Variants in BTBD8 observed in about 807,000 individuals in gnomAD.
BTBD8 encodes BTB domain containing 8, also known as BTB/POZ domain-containing protein 8.
A neutral mutation model predicts 162.9 loss-of-function variants in BTBD8; 110 were observed. The ratio of observed to expected loss-of-function variants is 0.68; its 90% CI spans 0.58 to 0.79. The LOEUF (loss-of-function observed/expected upper bound fraction) is 0.79, where lower values mean the gene tolerates loss of function less well. Among genes scored for constraint, BTBD8 ranks in the 30% least tolerant of loss-of-function variants. The pLI is 0.00. For missense variants in BTBD8, 1,905 were observed against 2,085.4 expected, an observed-to-expected ratio of 0.91 and a Z score of 1.68; for synonymous variants, 667 against 716.1, an observed-to-expected ratio of 0.93 and a Z score of 1.10.
intron 5 of BTBD8, among the ~76,000 whole-genome samples, chr1:92,134,317 A>C (rs1379563953): frequency 1.3e-5 from 2 of 152,184 alleles, no homozygotes; most frequent in Non-Finnish European, 2.9e-5. Context: ...GTGTCTTCTC[A>C]TTATAATTAT....
intron 2 of BTBD8, among the ~76,000 whole-genome samples, chr1:92,093,386 T>G (rs1648368170): frequency 1.3e-5 from 2 of 152,058 alleles, no homozygotes; most frequent in Non-Finnish European, 2.9e-5. Context: ...GAGACAGGGT[T>G]TCTCCATGTT....
intron 4 of BTBD8, among the ~76,000 whole-genome samples, chr1:92,122,814 C>T (rs1378158607): frequency 6.6e-6 from 1 of 152,224 alleles, no homozygotes; most frequent in Non-Finnish European, 1.5e-5. Flanking sequence ...ATCTTCCTGC[C>T]TTGGCCTCCC....
chr1:92,090,621 C>A (rs769981934), intron 2 of BTBD8, among the ~76,000 whole-genome samples: 13 of 152,162 alleles, frequency 8.5e-5, no homozygotes, highest in Non-Finnish European at 1.5e-4. Context: ...ATTTATGACA[C>A]AAAAGTTTTA....
At chr1:92,149,200 T>G (rs1649991032) in intron 9 of BTBD8, among the ~76,000 whole-genome samples, 1 of 152,202 alleles carries the variant, frequency 6.6e-6, no homozygotes. Context: ...TATATATTAA[T>G]CAAATATTTT....
rs1269161521 is a variant in BTBD8 at position 92,129,537 on chromosome 1, G to A, written c.663-150G>A. 7.6e-6 allele frequency: 5 copies of A among 656,934 alleles called. No homozygotes were observed. In the East Asian group the frequency reaches 1.4e-4, roughly 18 times the overall value. 40.7% of individuals were successfully genotyped at this position (656,934 alleles called of 1,614,324 possible). Reference sequence around the variant, plus strand: ...CTTAGGTATAAATATAAGCTTATAAGTTTTATTATGTAGTAATCCTGCCTA... The same window carrying A: ...CTTAGGTATAAATATAAGCTTATAAATTTTATTATGTAGTAATCCTGCCTA... On this transcript the variant is annotated intron_variant, in intron 4 of 17. Coordinates refer to ENST00000636805, the MANE Select transcript of BTBD8 (RefSeq NM_001376131.1).
chr1:92,144,488 AT>A (rs11346013), intron 7 of BTBD8, among the ~76,000 whole-genome samples: 91,929 of 144,940 alleles, frequency 0.63, 29,034 homozygotes, highest in East Asian at 0.94. Context: ...TAGGCTTTAC[AT>A]TTTTTTTTTT....
At chr1:92,117,780 G>A (rs930961304) in intron 4 of BTBD8, among the ~76,000 whole-genome samples, 3 of 151,964 alleles carry the variant, frequency 2.0e-5, no homozygotes, top group South Asian at 2.1e-4. Flanking sequence ...GGCTCTGCTC[G>A]TTTGTCCTTC....
At chr1:92,140,625 A>G (rs955285617) in intron 6 of BTBD8, among the ~76,000 whole-genome samples, 15 of 152,310 alleles carry the variant, frequency 9.8e-5, no homozygotes, top group Non-Finnish European at 1.9e-4. Context: ...AAGTATGTGT[A>G]GGTGTTCAGA....
intron 9 of BTBD8, among the ~76,000 whole-genome samples, chr1:92,156,348 C>T (rs1199513698): frequency 6.6e-6 from 1 of 152,112 alleles, no homozygotes; most frequent in Non-Finnish European, 1.5e-5. Context: ...ATTTTAACAT[C>T]TATGTTCATC....
chr1:92,181,747 T>C lies in BTBD8; in HGVS notation c.4064T>C (p.Ile1355Thr). ...KRPEIWSRSA[I>T]VHSRERENIP... ...CCAGAAATTTGGTCTCGATCTGCAA[T>C]AGTTCACTCTAGGGAAAGAGAAAAT... is the stretch of plus-strand genomic sequence containing the variant. The change falls in exon 17 of 18, where the codon ATA (isoleucine) becomes ACA (threonine). Residue 1355 changes from isoleucine to threonine, a missense_variant. By Grantham distance (89) the Ile-to-Thr change is moderately conservative. Around this residue, in one of 3 missense-constraint regions of BTBD8, gnomAD observed 517 missense variants for 606.6 expected, o/e 0.85. Coordinates refer to ENST00000636805, the MANE Select transcript of BTBD8 (RefSeq NM_001376131.1). 3 of 1,551,462 alleles carry C rather than the reference T, an allele frequency of 1.9e-6. No homozygotes were observed. Among genetic ancestry groups the C allele is most frequent in the South Asian group, 1.2e-5 (1 of 84,058 alleles).
chr1:92,170,715 A>G (rs1284829682), intron 12 of BTBD8, among the ~76,000 whole-genome samples: 1 of 152,158 alleles, frequency 6.6e-6, no homozygotes, highest in African/African-American at 2.4e-5. Flanking sequence ...TTGCTAAACT[A>G]TATTTGTAGC....
At chr1:92,126,328 C>T in intron 4 of BTBD8, 1 of 595,678 alleles carries the variant, frequency 1.7e-6, no homozygotes, top group Non-Finnish European at 3.3e-6. Flanking sequence ...AATCACCCTC[C>T]TGCTGCCACA....
At chr1:92,113,442 G>A (rs1445466889) in intron 4 of BTBD8, among the ~76,000 whole-genome samples, 1 of 152,220 alleles carries the variant, frequency 6.6e-6, no homozygotes, top group Admixed American at 6.5e-5. Flanking sequence ...ACGCTGATTT[G>A]ACTCTGAGTG....
chr1:92,169,199 T>TTA (rs142362153), intron 12 of BTBD8, among the ~76,000 whole-genome samples: 18 of 151,808 alleles, frequency 1.2e-4, no homozygotes, highest in South Asian at 6.2e-4. Context: ...CTCATTTCCT[T>TTA]TATATATATA....
chr1:92,128,989 C>G (rs1056162029), intron 4 of BTBD8, among the ~76,000 whole-genome samples: 1 of 151,728 alleles, frequency 6.6e-6, no homozygotes, highest in African/African-American at 2.4e-5. Flanking sequence ...GGGAAAGAGC[C>G]TTGATTTACA....
intron 4 of BTBD8, among the ~76,000 whole-genome samples, chr1:92,110,172 AAGAC>A (rs1328566616): frequency 6.6e-6 from 1 of 152,228 alleles, no homozygotes; most frequent in Non-Finnish European, 1.5e-5. Flanking sequence ...TCTATGCTGA[AAGAC>A]AGTCTGATGC....
intron 1 of BTBD8, among the ~76,000 whole-genome samples, chr1:92,086,440 G>A (rs1306222894): frequency 6.6e-6 from 1 of 152,148 alleles, no homozygotes; most frequent in East Asian, 1.9e-4. Flanking sequence ...AGACCAGCCA[G>A]GGGAACATGG....
chr1:92,084,114 C>G (rs550518660), intron 1 of BTBD8, among the ~76,000 whole-genome samples: 1 of 152,146 alleles, frequency 6.6e-6, no homozygotes, highest in Non-Finnish European at 1.5e-5. Flanking sequence ...TTTACCAACT[C>G]GTGCCAATTT....
In BTBD8 at chr1:92,183,943, T is replaced by C. The variant is rs773480772; in HGVS notation, c.4992T>C (p.Tyr1664=). The C allele has an allele frequency of 5.8e-6, 9 of 1,551,290 alleles. No individual in the cohort carries two copies. The highest frequency in any genetic ancestry group is 7.8e-6 in the Non-Finnish European group (9 of 1,146,588). Residue 1664 remains tyrosine (Y), a synonymous_variant, in exon 18 of 18, where the codon TAT becomes TAC. Transcript: ENST00000636805. ...HRPSKTLSPI[Y]EMDVIEAFEQ... Reference sequence around the variant, plus strand: ...CTTCAAAAACCCTGTCTCCAATATATGAGATGGATGTAATAGAAGCATTTG... The same window carrying C: ...CTTCAAAAACCCTGTCTCCAATATACGAGATGGATGTAATAGAAGCATTTG...
Sources: gnomAD v4.1 joint callset for allele counts (sites outside exome capture counted in the v4.1 genomes callset) on GRCh38, gnomAD v4.1.1 for gene constraint, gnomAD v4.1.1 regional missense constraint, MANE v1.5 for transcripts, NCBI Gene and HGNC (gene_info 2026-07-23, HGNC 2026-07-21) for gene names.